POLN: variants seen among roughly 807,000 people sequenced by gnomAD.
The protein encoded by POLN is DNA polymerase N.
A neutral mutation model predicts 113.5 loss-of-function variants in POLN; 108 were observed. That is an observed-to-expected ratio of 0.95 (90% confidence interval 0.81 to 1.12). The LOEUF is 1.12. POLN is among the 50% of genes most tolerant of loss of function. The probability of loss-of-function intolerance (pLI) is 0.00; values close to 1 mark genes in which losing one functional copy is unlikely to be tolerated. For synonymous variants in POLN, 386 were observed against 391.5 expected (o/e 0.99, Z 0.17); for missense variants, 1,097 against 1,077.1 (o/e 1.02, Z -0.26).
chr4:2,150,928 G>C (rs1416891270), intron 16 of POLN, among the ~76,000 whole-genome samples: 2 of 152,158 alleles, frequency 1.3e-5, no homozygotes, highest in Admixed American at 6.6e-5. Flanking sequence ...AGGTTTCTTA[G>C]ATACAATATC....
rs1730189890 is a variant in POLN at position 2,073,040 on chromosome 4, GAAGA to G, written c.2456-15_2456-12del. 1.2e-6 allele frequency: 2 copies of G among 1,612,860 alleles called. No individual in the cohort carries two copies. Among genetic ancestry groups the G allele is most frequent in the African/African-American group, 2.7e-5 (2 of 74,940 alleles). ...TCCTCCTGACGAGAGCTAGAGTGCG[GAAGA>G]GAGAGGAGGCCCTGCTGGTCTCTTG... On this transcript the variant is annotated splice_polypyrimidine_tract_variant and intron_variant, in intron 24 of 25. Transcript: ENST00000511885.
At chr4:2,202,995 T>C (rs139631236) in intron 5 of POLN, among the ~76,000 whole-genome samples, 224 of 152,252 alleles carry the variant, frequency 1.5e-3, no homozygotes, top group African/African-American at 4.5e-3. Flanking sequence ...CTGGAACAAA[T>C]GGACTTAACA....
intron 3 of POLN, among the ~76,000 whole-genome samples, chr4:2,226,063 T>C (rs960284897): frequency 6.6e-6 from 1 of 152,228 alleles, no homozygotes; most frequent in African/African-American, 2.4e-5. Flanking sequence ...ATAGCTGTTT[T>C]TTAAAGTCAC....
At chr4:2,218,704 T>C (rs1734181707) in intron 3 of POLN, among the ~76,000 whole-genome samples, 1 of 152,038 alleles carries the variant, frequency 6.6e-6, no homozygotes, top group Non-Finnish European at 1.5e-5. Context: ...CCATTCAGAG[T>C]GAATATTTCT....
intron 5 of POLN, among the ~76,000 whole-genome samples, chr4:2,206,929 C>T (rs1055067829): frequency 1.3e-5 from 2 of 152,158 alleles, no homozygotes; most frequent in African/African-American, 4.8e-5. Flanking sequence ...AGTCATTATA[C>T]GTAAAGGATA....
chr4:2,158,521 A>G (rs1732495631), intron 14 of POLN, among the ~76,000 whole-genome samples: 1 of 152,192 alleles, frequency 6.6e-6, no homozygotes, highest in African/African-American at 2.4e-5. Context: ...GCCCCTTTAC[A>G]TCGTTGCAGG....
chr4:2,104,301 C>G (rs1169220178), intron 19 of POLN, among the ~76,000 whole-genome samples: 3 of 152,206 alleles, frequency 2.0e-5, no homozygotes, highest in Non-Finnish European at 2.9e-5. Context: ...TGCTGACAGA[C>G]AGTTAGGTGT....
chr4:2,213,083 T>G lies in POLN; in HGVS notation c.177A>C (p.Gln59His), dbSNP rs746319862. The change falls in exon 4 of 26, where the codon CAA (glutamine) becomes CAC (histidine). Residue 59 changes from glutamine to histidine, a missense_variant. Coordinates refer to ENST00000511885, the MANE Select transcript of POLN (RefSeq NM_181808.4). ...GTGATTGAGTCTTCCTGTCTTCAAG[T>G]TGTACTGAATACTTAACACTGGACT... ...INKSSVKYSV[Q>H]LEDRKTQSPE... The G allele has an allele frequency of 6.2e-7, 1 of 1,611,164 alleles. No individual in the cohort carries two copies. The highest frequency in any genetic ancestry group is 2.2e-5 in the East Asian group (1 of 44,770).
chr4:2,101,673 T>C (rs2108704848), intron 19 of POLN, among the ~76,000 whole-genome samples: 1 of 152,334 alleles, frequency 6.6e-6, no homozygotes, highest in Non-Finnish European at 1.5e-5. Flanking sequence ...TAACAGACTG[T>C]GTGGTGCCAT....
chr4:2,235,604 A>G (rs923179521), intron 2 of POLN, among the ~76,000 whole-genome samples: 8 of 152,254 alleles, frequency 5.3e-5, no homozygotes, highest in Non-Finnish European at 7.3e-5. Context: ...AGTGAGTCTC[A>G]AAAACATATT....
At chr4:2,079,229 C>G (rs1386681204) in intron 23 of POLN, 1 of 244,816 alleles carries the variant, frequency 4.1e-6, no homozygotes, top group Admixed American at 6.5e-5. Context: ...CTGCGCCCAG[C>G]CTTGAATCAA....
chr4:2,215,605 T>A (rs1171392270), intron 3 of POLN, among the ~76,000 whole-genome samples: 5 of 152,080 alleles, frequency 3.3e-5, no homozygotes, highest in African/African-American at 1.2e-4. Flanking sequence ...GGCAAAGAAG[T>A]TCTTTGCAGC....
At chr4:2,212,578 G>T (rs1266133086) in intron 4 of POLN, among the ~76,000 whole-genome samples, 1 of 151,616 alleles carries the variant, frequency 6.6e-6, no homozygotes, top group Non-Finnish European at 1.5e-5. Flanking sequence ...TAGAGACAGG[G>T]TCTCCTTATG....
At chr4:2,218,313 C>T (rs909739284) in intron 3 of POLN, among the ~76,000 whole-genome samples, 1 of 150,268 alleles carries the variant, frequency 6.7e-6, no homozygotes, top group Non-Finnish European at 1.5e-5. Context: ...GGCATGGTGG[C>T]GCATCCCTGT....
At chr4:2,221,230 C>T (rs1734245574) in intron 3 of POLN, among the ~76,000 whole-genome samples, 1 of 151,574 alleles carries the variant, frequency 6.6e-6, no homozygotes, top group African/African-American at 2.4e-5. Flanking sequence ...CTCCACCTCC[C>T]AAGCTCAAGC....
intron 17 of POLN, 93 bp downstream of exon 17, chr4:2,131,140 G>A (rs546883194): frequency 4.1e-5 from 36 of 876,984 alleles, no homozygotes; most frequent in Non-Finnish European, 5.2e-5. Context: ...AGCTGTGATC[G>A]CACAAATGCA....
At chr4:2,174,068 T>G (rs540958965) in intron 10 of POLN, 49 bp from the exon 11 acceptor site, 3 of 1,571,162 alleles carry the variant, frequency 1.9e-6, no homozygotes, top group Non-Finnish European at 2.6e-6. Flanking sequence ...ATGTATTCTT[T>G]TTACTAAAGA....
At chr4:2,131,313 T>A (rs534088673) in intron 16 of POLN, 23 bp from the exon 17 acceptor site, 29 of 1,494,086 alleles carry the variant, frequency 1.9e-5, no homozygotes, top group Non-Finnish European at 2.7e-5. Flanking sequence ...AGAGACTAGC[T>A]TTAGTTAAAA....
chr4:2,158,001 G>A (rs924822217), intron 14 of POLN, 90 bp from the exon 15 acceptor site: 4 of 969,666 alleles, frequency 4.1e-6, no homozygotes, highest in Non-Finnish European at 6.2e-6. Flanking sequence ...GCCCAGGCTG[G>A]AGTGCAGTGG....
Sources: gnomAD v4.1 joint callset for allele counts (sites outside exome capture counted in the v4.1 genomes callset) on GRCh38, gnomAD v4.1.1 for gene constraint, MANE v1.5 for transcripts, NCBI Gene and HGNC (gene_info 2026-07-23, HGNC 2026-07-21) for gene names.